The following CEP128 variants were observed in gnomAD, a reference collection of about 807,000 sequenced individuals.
The protein encoded by CEP128 is centrosomal protein 128.
In CEP128, 132 loss-of-function variants were observed where a neutral mutation model predicts 156.7. The observed-to-expected ratio is 0.84, with a 90% confidence interval of 0.73 to 0.97. CEP128 has a LOEUF of 0.97. CEP128 is among the 50% of genes least tolerant of loss of function. CEP128 has a pLI of 0.00. For missense variants in CEP128, 1,252 were observed against 1,281.9 expected (o/e 0.98, Z 0.36); for synonymous variants, 469 against 448.9 (o/e 1.04, Z -0.57).
intron 19 of CEP128, among the ~76,000 whole-genome samples, chr14:80,586,743 G>C (rs1353112138): frequency 2.6e-5 from 4 of 152,142 alleles, no homozygotes; most frequent in African/African-American, 9.7e-5. Context: ...ACTTGAGAAG[G>C]CAGTTGTTTC....
At chr14:80,954,225 G>A (rs937660998) in intron 2 of CEP128, among the ~76,000 whole-genome samples, 15 of 151,930 alleles carry the variant, frequency 9.9e-5, no homozygotes, top group Admixed American at 4.6e-4. Flanking sequence ...AGCCGAGATC[G>A]CGCCATTGCA....
chr14:80,518,264 C>T lies in CEP128; in HGVS notation c.3072+8605G>A, dbSNP rs187228071. Among the ~76,000 whole-genome samples, 23 of 151,562 alleles carry T rather than the reference C, an allele frequency of 1.5e-4. 1 individual carries two copies. Among genetic ancestry groups the T allele is most frequent in the Admixed American group, 4.6e-4 (7 of 15,198 alleles). On this transcript the variant is annotated intron_variant, in intron 23 of 24. Transcript: ENST00000555265. ...GAGCTCTCTTTACTACCTGACTGGT[C>T]GGGTGTGAGCTAAGTTGCAAGCCCC...
chr14:80,706,026 C>T (rs1897229724), intron 19 of CEP128, among the ~76,000 whole-genome samples: 2 of 152,126 alleles, frequency 1.3e-5, no homozygotes, highest in Admixed American at 1.3e-4. Flanking sequence ...TTTGCATTAG[C>T]AGCCACTGAT....
intron 13 of CEP128, among the ~76,000 whole-genome samples, chr14:80,821,642 CAT>C (rs537797862): frequency 0.013 from 1,627 of 129,018 alleles, 14 homozygotes; most frequent in Non-Finnish European, 0.019. Context: ...CACACACACA[CAT>C]GCACACAAAG....
At chr14:80,672,294 A>G (rs1895873565) in intron 19 of CEP128, among the ~76,000 whole-genome samples, 1 of 105,198 alleles carries the variant, frequency 9.5e-6, no homozygotes, top group South Asian at 2.8e-4. Flanking sequence ...AAATTTTGAG[A>G]TACCTAATAA....
At chr14:80,826,487 A>T (rs1319586461) in intron 13 of CEP128, among the ~76,000 whole-genome samples, 1 of 152,204 alleles carries the variant, frequency 6.6e-6, no homozygotes, top group Admixed American at 6.5e-5. Context: ...ATTAAAAGTA[A>T]TATTAAAGCG....
At chr14:80,545,324 T>C (rs1264093103) in intron 21 of CEP128, among the ~76,000 whole-genome samples, 1 of 151,674 alleles carries the variant, frequency 6.6e-6, no homozygotes, top group Non-Finnish European at 1.5e-5. Context: ...AACACAAGAG[T>C]AGTAAGAGGA....
chr14:80,898,730 TA>T (rs1009797676), intron 7 of CEP128, among the ~76,000 whole-genome samples: 9 of 151,280 alleles, frequency 5.9e-5, no homozygotes, highest in East Asian at 5.8e-4. Context: ...TATCAGCTTG[TA>T]AAAAAAAATA....
chr14:80,559,170 G>T (rs1324973277), intron 21 of CEP128, 109 bp downstream of exon 21: 9 of 947,982 alleles, frequency 9.5e-6, no homozygotes, highest in Middle Eastern at 4.2e-4. Flanking sequence ...CATCTTAGAT[G>T]TAGTTTTCGA....
intron 19 of CEP128, among the ~76,000 whole-genome samples, chr14:80,658,936 G>A (rs8010479): frequency 0.017 from 2,522 of 152,244 alleles, 66 homozygotes; most frequent in African/African-American, 0.058. Flanking sequence ...CAACCAGACT[G>A]CACAATGCAA....
chr14:80,622,358 G>C (rs956892842), intron 19 of CEP128, among the ~76,000 whole-genome samples: 4 of 151,466 alleles, frequency 2.6e-5, no homozygotes, highest in Non-Finnish European at 4.4e-5. Flanking sequence ...AAAAACCCTA[G>C]AAGAAAACCT....
intron 19 of CEP128, among the ~76,000 whole-genome samples, chr14:80,682,795 T>C (rs80207334): frequency 0.074 from 11,304 of 152,264 alleles, 585 homozygotes; most frequent in South Asian, 0.23. Context: ...TGTTCGGCAC[T>C]CGCAGAGAAA....
intron 13 of CEP128, among the ~76,000 whole-genome samples, chr14:80,814,009 C>T (rs1257794681): frequency 6.6e-6 from 1 of 152,144 alleles, no homozygotes; most frequent in Non-Finnish European, 1.5e-5. Context: ...TATTTTGTTG[C>T]AGCACTTTGA....
At chr14:80,692,951 T>C (rs4903934) in intron 19 of CEP128, among the ~76,000 whole-genome samples, 128,495 of 152,228 alleles carry the variant, frequency 0.84, 54,489 homozygotes, top group East Asian at 0.98. Flanking sequence ...CATACTTTAA[T>C]GTGCATTTAA....
At chr14:80,592,492 C>T (rs1271363909) in intron 19 of CEP128, among the ~76,000 whole-genome samples, 2 of 152,080 alleles carry the variant, frequency 1.3e-5, no homozygotes, top group East Asian at 3.9e-4. Flanking sequence ...AACAAGTTCT[C>T]AAATTGAGGT....
intron 8 of CEP128, among the ~76,000 whole-genome samples, chr14:80,889,951 C>CA (rs565736511): frequency 2.4e-4 from 37 of 151,910 alleles, no homozygotes; most frequent in African/African-American, 7.5e-4. Context: ...ACAACCCCAC[C>CA]AAAAAACTGG....
intron 19 of CEP128, among the ~76,000 whole-genome samples, chr14:80,611,078 T>C (rs1892977029): frequency 1.3e-5 from 2 of 152,088 alleles, no homozygotes; most frequent in African/African-American, 2.4e-5. Context: ...GAGAGTTCTA[T>C]GTATTTTTCA....
chr14:80,572,072 C>T (rs1891162679), intron 20 of CEP128, among the ~76,000 whole-genome samples: 1 of 152,198 alleles, frequency 6.6e-6, no homozygotes, highest in Non-Finnish European at 1.5e-5. Context: ...TCTCCTTTGA[C>T]ATACAGACCA....
At chr14:80,691,404 A>C (rs768084826) in intron 19 of CEP128, among the ~76,000 whole-genome samples, 30 of 152,194 alleles carry the variant, frequency 2.0e-4, no homozygotes, top group Non-Finnish European at 3.1e-4. Flanking sequence ...TCTCCCCACT[A>C]TTGGGGTTAG....
Sources: gnomAD v4.1 joint callset for allele counts (sites outside exome capture counted in the v4.1 genomes callset) on GRCh38, gnomAD v4.1.1 for gene constraint, MANE v1.5 for transcripts, NCBI Gene and HGNC (gene_info 2026-07-23, HGNC 2026-07-21) for gene names.